Variants in B3GLCT observed in about 807,000 individuals in gnomAD.
B3GLCT encodes the protein beta-1,3-glucosyltransferase.
A neutral mutation model predicts 63.4 loss-of-function variants in B3GLCT; 65 were observed. The ratio of observed to expected loss-of-function variants is 1.03; its 90% CI spans 0.84 to 1.26. The LOEUF is 1.26. Among genes scored for constraint, B3GLCT ranks in the 50% most tolerant of loss-of-function variants. The pLI, the probability that B3GLCT is intolerant of heterozygous loss-of-function variation, is 0.00. For synonymous variants in B3GLCT, 233 were observed against 219.2 expected (o/e 1.06, Z -0.55); for missense variants, 577 against 604.8 (o/e 0.95, Z 0.48).
chr13:31,211,140 A>G (rs1443436902), intron 1 of B3GLCT, among the ~76,000 whole-genome samples: 1 of 152,160 alleles, frequency 6.6e-6, no homozygotes. Flanking sequence ...CATGCCTGTA[A>G]TCTCAGCACT....
intron 13 of B3GLCT, among the ~76,000 whole-genome samples, chr13:31,322,664 T>C (rs1295616137): frequency 6.6e-6 from 1 of 152,168 alleles, no homozygotes; most frequent in Non-Finnish European, 1.5e-5. Flanking sequence ...ATAAAATAAT[T>C]ACATATTAAA....
chr13:31,294,943 G>A (rs560979350), intron 12 of B3GLCT, among the ~76,000 whole-genome samples: 133 of 151,610 alleles, frequency 8.8e-4, no homozygotes, highest in Middle Eastern at 3.4e-3. Context: ...CCTCATCTTC[G>A]TGGATTTATC....
chr13:31,323,795 A>G lies in B3GLCT; in HGVS notation c.1229A>G (p.Lys410Arg). 1 of 1,614,120 alleles carries G rather than the reference A, an allele frequency of 6.2e-7. No homozygotes were observed. Among genetic ancestry groups the G allele is most frequent in the Non-Finnish European group, 8.5e-7 (1 of 1,180,020 alleles). The change falls in exon 14 of 15, where the codon AAA (lysine) becomes AGA (arginine). Residue 410 changes from lysine (K) to arginine (R), a missense_variant. By Grantham distance (26) the Lys-to-Arg change is conservative. Transcript: ENST00000343307. The stretch of plus-strand genomic sequence containing the variant: ...GCCGTCAGGAGACTTCTCGCCAGTA[A>G]ATGTCGATGCTACAGCAATGATGCT... The part of the protein sequence containing the change: ...REAVRRLLAS[K>R]CRCYSNDAPD...
At chr13:31,254,988 G>A (rs1296062331) in intron 6 of B3GLCT, among the ~76,000 whole-genome samples, 1 of 149,800 alleles carries the variant, frequency 6.7e-6, no homozygotes, top group Non-Finnish European at 1.5e-5. Flanking sequence ...AGTGAGCTGA[G>A]ATGGCGCCAC....
intron 13 of B3GLCT, 32 bp from the exon 14 acceptor site, chr13:31,323,719 C>T (rs770725209): frequency 3.1e-6 from 5 of 1,613,858 alleles, no homozygotes; most frequent in Non-Finnish European, 4.2e-6. Flanking sequence ...TGGAGCTTCT[C>T]TAACCCCTTT....
chr13:31,326,928 G>A (rs927535580), intron 14 of B3GLCT, among the ~76,000 whole-genome samples: 2 of 152,120 alleles, frequency 1.3e-5, no homozygotes, highest in Non-Finnish European at 2.9e-5. Context: ...TGCATTAATA[G>A]AGTGGAAAAT....
chr13:31,211,300 A>G (rs954389703), intron 1 of B3GLCT, among the ~76,000 whole-genome samples: 7 of 152,258 alleles, frequency 4.6e-5, no homozygotes, highest in Non-Finnish European at 7.4e-5. Context: ...AGGCTAAGGT[A>G]GGAGAGAATC....
chr13:31,204,395 G>A (rs75484633), intron 1 of B3GLCT, among the ~76,000 whole-genome samples: 220 of 152,250 alleles, frequency 1.4e-3, no homozygotes, highest in African/African-American at 5.2e-3. Flanking sequence ...TGCCAACAGT[G>A]GCAAGCTTGA....
At chr13:31,227,195 A>T (rs889165483) in intron 3 of B3GLCT, among the ~76,000 whole-genome samples, 1 of 151,758 alleles carries the variant, frequency 6.6e-6, no homozygotes, top group Non-Finnish European at 1.5e-5. Flanking sequence ...GTTGCTTCCC[A>T]TTTTTTTCTT....
intron 1 of B3GLCT, among the ~76,000 whole-genome samples, chr13:31,210,570 A>C (rs1869205349): frequency 6.6e-6 from 1 of 151,532 alleles, no homozygotes; most frequent in Admixed American, 6.6e-5. Context: ...GCAATTTCTT[A>C]CCTCCCTTGC....
intron 3 of B3GLCT, among the ~76,000 whole-genome samples, chr13:31,223,922 G>A (rs1190412296): frequency 6.6e-6 from 1 of 152,146 alleles, no homozygotes; most frequent in Non-Finnish European, 1.5e-5. Flanking sequence ...GAAACAAGAA[G>A]GGAACAATAT....
intron 6 of B3GLCT, among the ~76,000 whole-genome samples, chr13:31,259,316 T>C (rs1480936415): frequency 6.6e-6 from 1 of 152,140 alleles, no homozygotes; most frequent in East Asian, 1.9e-4. Flanking sequence ...TCAGATGTTT[T>C]ATGTGAAAAA....
At chr13:31,251,977 G>A (rs1481769103) in intron 6 of B3GLCT, among the ~76,000 whole-genome samples, 6 of 152,154 alleles carry the variant, frequency 3.9e-5, no homozygotes, top group African/African-American at 1.4e-4. Context: ...GGAAAGTCCG[G>A]TTACCCACAA....
At chr13:31,308,403 A>G (rs552754224) in intron 12 of B3GLCT, among the ~76,000 whole-genome samples, 1 of 150,268 alleles carries the variant, frequency 6.7e-6, no homozygotes, top group African/African-American at 2.4e-5. Flanking sequence ...GATGAAATGT[A>G]TCAGCTGCAT....
At chr13:31,259,423 C>A (rs1300778041) in intron 6 of B3GLCT, among the ~76,000 whole-genome samples, 1 of 152,012 alleles carries the variant, frequency 6.6e-6, no homozygotes, top group African/African-American at 2.4e-5. Context: ...ACTGCCCTTA[C>A]TCCAGAGCCA....
chr13:31,276,349 G>C (rs868068209), intron 9 of B3GLCT, among the ~76,000 whole-genome samples: 2 of 152,164 alleles, frequency 1.3e-5, no homozygotes, highest in Non-Finnish European at 2.9e-5. Flanking sequence ...GAAATGAGAG[G>C]TAACTAACAT....
intron 10 of B3GLCT, among the ~76,000 whole-genome samples, chr13:31,283,972 G>T (rs969838124): frequency 6.6e-6 from 1 of 152,194 alleles, no homozygotes; most frequent in African/African-American, 2.4e-5. Context: ...TTAATATCAA[G>T]TAGTGGTAAG....
chr13:31,237,731 G>A (rs1032856771), intron 4 of B3GLCT, among the ~76,000 whole-genome samples: 1 of 152,166 alleles, frequency 6.6e-6, no homozygotes, highest in African/African-American at 2.4e-5. Context: ...GCTGAGAAAG[G>A]GAAAAACTAA....
At chr13:31,323,243 T>C (rs1875421211) in intron 13 of B3GLCT, among the ~76,000 whole-genome samples, 1 of 152,202 alleles carries the variant, frequency 6.6e-6, no homozygotes, top group South Asian at 2.1e-4. Flanking sequence ...TCATAGAATG[T>C]TTCCTCCCCC....
Sources: allele counts gnomAD v4.1 joint callset (sites outside exome capture counted in the v4.1 genomes callset), GRCh38; gene constraint gnomAD v4.1.1; transcripts MANE v1.5; gene names NCBI Gene and HGNC (gene_info 2026-07-23, HGNC 2026-07-21).